The following SLC38A8 variants were observed in gnomAD, a reference collection of about 807,000 sequenced individuals.
SLC38A8 encodes the protein amino acid transporter SLC38A8.
In SLC38A8, 65 loss-of-function variants were observed where a neutral mutation model predicts 46.0. That is an observed-to-expected ratio of 1.41 (90% CI 1.16 to 1.74). SLC38A8 has a LOEUF of 1.74. Ranked by LOEUF, SLC38A8 falls within the 40% of genes most tolerant of loss-of-function variation. The pLI is 0.00. For synonymous variants in SLC38A8, 447 were observed against 243.7 expected (o/e 1.83, Z -7.77); for missense variants, 998 against 567.9 (o/e 1.76, Z -7.70).
rs984898259 is a variant in SLC38A8, at chr16:84,042,298, C to T, written c.-2-139G>A. The T allele has an allele frequency of 2.5e-5, 22 of 890,440 alleles. No homozygotes were observed. In the African/African-American group the frequency reaches 3.7e-4, roughly 15 times the overall value. The allele number at this position is 890,440 out of a possible 1,614,324, so 55.2% of individuals were successfully genotyped here. ...CCCGCTTCCTTGGCGTCAGCTCCCC[C>T]TTTCCAAAGGGTGCTGCATGCATCT... is the stretch of plus-strand genomic sequence containing the variant. On this transcript the variant is annotated intron_variant, in intron 1 of 10. Coordinates refer to ENST00000299709, the MANE Select transcript of SLC38A8 (RefSeq NM_001080442.3).
intron 4 of SLC38A8, among the ~76,000 whole-genome samples, chr16:84,032,969 TG>T (rs1045985499): frequency 8.8e-4 from 13 of 14,822 alleles, no homozygotes; most frequent in Middle Eastern, 0.031. Flanking sequence ...TGGGTGTGCA[TG>T]GGGGGGTGTG....
chr16:84,025,005 TAC>T lies in SLC38A8; in HGVS notation c.691-2118_691-2117del, dbSNP rs1361604957. Reference sequence around the variant, plus strand: ...GCAAGAATTTTTTTAACGCAAAACATACACAGTCAATGCCAAGAGCCCATGAG... The same window carrying T: ...GCAAGAATTTTTTTAACGCAAAACATACAGTCAATGCCAAGAGCCCATGAG... On this transcript the variant is annotated intron_variant, in intron 6 of 10. Coordinates refer to ENST00000299709, the MANE Select transcript of SLC38A8 (RefSeq NM_001080442.3). 6.6e-5 allele frequency among the ~76,000 whole-genome samples: 10 copies of T among 152,216 alleles called. No homozygotes were observed. The East Asian group carries it at 1.6e-3, about 24-fold the overall frequency.
chr16:84,027,136 G>C (rs192138523), intron 6 of SLC38A8, among the ~76,000 whole-genome samples: 1 of 152,182 alleles, frequency 6.6e-6, no homozygotes, highest in Non-Finnish European at 1.5e-5. Context: ...CAGATCAAAA[G>C]GTTAAGAGAT....
intron 4 of SLC38A8, among the ~76,000 whole-genome samples, chr16:84,032,755 G>T (rs1056799099): frequency 6.6e-6 from 1 of 152,248 alleles, no homozygotes; most frequent in East Asian, 1.9e-4. Context: ...GGAAAAGGCA[G>T]GCAGCAGAGG....
At chr16:84,036,931 G>A in intron 2 of SLC38A8, 31 bp from the exon 3 acceptor site, 2 of 1,579,544 alleles carry the variant, frequency 1.3e-6, no homozygotes, top group Non-Finnish European at 1.7e-6. Context: ...CTGGAACTGG[G>A]GTGTGCCCAC....
rs777106915 is a variant in SLC38A8, at chr16:84,009,783, A to T, written c.*1T>A. The T allele has an allele frequency of 6.2e-7, 1 of 1,613,596 alleles. No homozygotes were observed. Among genetic ancestry groups the T allele is most frequent in the East Asian group, 2.2e-5 (1 of 44,844 alleles). On this transcript the variant is annotated 3_prime_UTR_variant, in exon 11 of 11. Transcript: ENST00000299709. ...CCTTCCTGCCCGGCACTAGCTGCCC[A>T]TCAGAACATCTCCCAGACCGCTGCC...
At chr16:84,011,692 G>A (rs182538906) in intron 10 of SLC38A8, among the ~76,000 whole-genome samples, 1 of 152,184 alleles carries the variant, frequency 6.6e-6, no homozygotes, top group Admixed American at 6.5e-5. Context: ...CCTAGATTTA[G>A]GGTGGACCCT....
rs146442665 is a variant in SLC38A8, at chr16:84,029,534, G to C, written c.650C>G (p.Ser217Cys). Residue 217 changes from serine (S) to cysteine (C), a missense_variant, in exon 6 of 11, where the codon TCT becomes TGT. Physicochemically the swap from Ser to Cys is moderately radical, Grantham distance 112. Transcript: ENST00000299709. ...HPSLSPASWT[S>C]VFSVFPTICF... ...GATGGTGGGGAAGACACTGAACACA[G>C]AGGTCCAGGAGGCAGGGCTGTAAAC... 4.0e-5 allele frequency: 64 copies of C among 1,614,112 alleles called. No homozygotes were observed. The Middle Eastern group carries it at 4.9e-4, about 12-fold the overall frequency.
rs750438561 is a variant in SLC38A8, at chr16:84,042,022, G to C, written c.136C>G (p.Pro46Ala). 3.7e-6 allele frequency: 6 copies of C among 1,613,454 alleles called. No individual in the cohort carries two copies. In the Admixed American group the frequency reaches 8.3e-5, roughly 22 times the overall value. The change falls in exon 2 of 11, where the codon CCC (proline) becomes GCC (alanine). Residue 46 changes from proline (P) to alanine (A), a missense_variant. By Grantham distance (27) the Pro-to-Ala change is conservative. Transcript: ENST00000299709. Reference protein sequence around the residue: ...SALGAGLLNFPWAFSKAGGVV... With the variant: ...SALGAGLLNFAWAFSKAGGVV... ...CCGCCCGCTTTGGAGAAGGCCCAGG[G>C]GAAGTTGAGCAGGCCAGCTCCCAGC...
At chr16:84,034,035 G>T (rs1206734222) in intron 3 of SLC38A8, among the ~76,000 whole-genome samples, 1 of 152,182 alleles carries the variant, frequency 6.6e-6, no homozygotes, top group African/African-American at 2.4e-5. Flanking sequence ...GAGGTTGCTT[G>T]GGGGGTCTCT....
chr16:84,035,155 G>A (rs965028218), intron 3 of SLC38A8, among the ~76,000 whole-genome samples: 6 of 152,230 alleles, frequency 3.9e-5, no homozygotes, highest in African/African-American at 4.8e-5. Context: ...CGCTCCCAGT[G>A]AGGCTCAGAA....
rs536174657 is a variant in SLC38A8, at chr16:84,016,785, G to A, written c.954-58C>T. ...ATCTCAGGGGCACCAGCCTCCACCC[G>A]ACAGCTGCTCCCCAGTCCTCCAGGA... On this transcript the variant is annotated intron_variant, in intron 8 of 10. Transcript: ENST00000299709. 353 of 1,548,396 alleles carry A rather than the reference G, an allele frequency of 2.3e-4. No individual in the cohort carries two copies. The Middle Eastern group carries it at 3.3e-3, about 14-fold the overall frequency.
intron 4 of SLC38A8, 138 bp downstream of exon 4, chr16:84,033,190 T>A: frequency 8.7e-7 from 1 of 1,146,940 alleles, no homozygotes; most frequent in Non-Finnish European, 1.3e-6. Context: ...ATTTTACTTG[T>A]ATAATTTTTT....
intron 2 of SLC38A8, among the ~76,000 whole-genome samples, chr16:84,038,601 T>C (rs545613941): frequency 6.6e-5 from 10 of 152,342 alleles, no homozygotes; most frequent in African/African-American, 2.2e-4. Flanking sequence ...AATATTTACA[T>C]ATAAAATGCT....
At chr16:84,028,355 C>A (rs2085190892) in intron 6 of SLC38A8, among the ~76,000 whole-genome samples, 2 of 151,868 alleles carry the variant, frequency 1.3e-5, no homozygotes, top group African/African-American at 4.8e-5. Flanking sequence ...CCGAGGAGGG[C>A]AGATCGCTTG....
At chr16:84,020,034 T>G (rs1387377951) in intron 7 of SLC38A8, among the ~76,000 whole-genome samples, 1 of 152,224 alleles carries the variant, frequency 6.6e-6, no homozygotes, top group Non-Finnish European at 1.5e-5. Flanking sequence ...GCTGGTAACT[T>G]CGCAGTTTGT....
At position 84,029,488 on chromosome 16, in the gene SLC38A8, A is replaced by C; in HGVS notation, c.690+6T>G. ...CCACAGGCTGCAACACAGATGCTAA[A>C]ATTACCTGAAACCCGAAGCAGATGG... On this transcript the variant is annotated splice_donor_region_variant and intron_variant, in intron 6 of 10. Transcript: ENST00000299709. 6.2e-7 allele frequency: 1 copy of C among 1,614,000 alleles called. No homozygotes were observed. The highest frequency in any genetic ancestry group is 8.5e-7 in the Non-Finnish European group (1 of 1,179,932).
rs201016030 is a variant in SLC38A8, at chr16:84,033,313, C to G, written c.530+15G>C. On this transcript the variant is annotated intron_variant, in intron 4 of 10. Coordinates refer to ENST00000299709, the MANE Select transcript of SLC38A8 (RefSeq NM_001080442.3). ...CAAGGTGGGGGCCCCCACCAGGCAG[C>G]ATCCCAGCCCTTACCTTGTGTATTT... 1.7e-3 allele frequency: 2,752 copies of G among 1,613,990 alleles called. 2 individuals carry two copies. Among genetic ancestry groups the G allele is most frequent in the Non-Finnish European group, 2.2e-3 (2,569 of 1,179,928 alleles).
At chr16:84,035,204 T>C (rs1048212117) in intron 3 of SLC38A8, among the ~76,000 whole-genome samples, 1 of 152,198 alleles carries the variant, frequency 6.6e-6, no homozygotes, top group South Asian at 2.1e-4. Context: ...TCAGTGGAGT[T>C]GAAACTGCAG....
Sources: allele counts gnomAD v4.1 joint callset (sites outside exome capture counted in the v4.1 genomes callset), GRCh38; gene constraint gnomAD v4.1.1; transcripts MANE v1.5; gene names NCBI Gene and HGNC (gene_info 2026-07-23, HGNC 2026-07-21).